Variants in GOLIM4 observed in about 807,000 individuals in gnomAD.
GOLIM4 encodes 130 kDa golgi-localized phosphoprotein.
GOLIM4 carries 71 observed loss-of-function variants against 107.4 expected under a neutral mutation model. The observed-to-expected ratio is 0.66, with a 90% CI of 0.55 to 0.81. The LOEUF (loss-of-function observed/expected upper bound fraction) is 0.81. Ranked by LOEUF, GOLIM4 falls within the 30% of genes least tolerant of loss-of-function variation. The pLI, the probability that GOLIM4 is intolerant of heterozygous loss-of-function variation, is 0.00. For missense variants in GOLIM4, 830 were observed against 826.1 expected (o/e 1.00, Z -0.06); for synonymous variants, 327 against 294.8 (o/e 1.11, Z -1.12).
rs773807286 is a variant in GOLIM4, at chr3:168,095,264, G to A, written c.22C>T (p.Arg8Ter). The A allele has an allele frequency of 1.2e-6, 2 of 1,613,008 alleles. No individual in the cohort carries two copies. Among genetic ancestry groups the A allele is most frequent in the Non-Finnish European group, 1.7e-6 (2 of 1,179,916 alleles). MGNGMCS[R>*]KQKRIFQTLL... ...GTCTGGAAAATCCGCTTCTGCTTTC[G>A]GGAGCACATCCCGTTTCCCATAGTC... Residue 8 changes from arginine (R) to a stop codon, truncating the protein, a stop_gained, in exon 1 of 16, where the codon CGA becomes TGA. Transcript: ENST00000470487. LOFTEE classifies it high-confidence loss of function.
At position 168,032,936 on chromosome 3, in the gene GOLIM4, C is replaced by T. The variant is rs558709892; in HGVS notation, c.844-84G>A. On this transcript the variant is annotated intron_variant, in intron 8 of 15. Transcript: ENST00000470487. ...TTTCTTGATTTCCATGTCTATGGGG[C>T]ATGGGGCTACAACAGAAGAAGGTGT... is the stretch of plus-strand genomic sequence containing the variant. 1.1e-5 allele frequency: 11 copies of T among 998,794 alleles called. No individual in the cohort carries two copies. In the East Asian group the frequency reaches 2.1e-4, roughly 20 times the overall value. The allele number at this position is 998,794 out of a possible 1,614,324, so 61.9% of individuals were successfully genotyped here.
intron 1 of GOLIM4, among the ~76,000 whole-genome samples, chr3:168,065,578 C>T (rs1263039225): frequency 6.6e-6 from 1 of 152,192 alleles, no homozygotes; most frequent in Non-Finnish European, 1.5e-5. Flanking sequence ...CATACAACTG[C>T]CACTCTAATT....
Position 168,044,910 on chromosome 3 carries a change from CAA to C in GOLIM4, c.313-31_313-30del, listed in dbSNP as rs752831504. 11 of 1,302,716 alleles carry C rather than the reference CAA, an allele frequency of 8.4e-6. No individual in the cohort carries two copies. In the South Asian group the frequency reaches 1.5e-4, roughly 17 times the overall value. 80.7% of individuals were successfully genotyped at this position (1,302,716 alleles called of 1,614,324 possible). A position where few individuals can be genotyped will look rare whatever the true frequency, so the allele number is the denominator to read the frequency against. On this transcript the variant is annotated intron_variant, in intron 3 of 15. Coordinates refer to ENST00000470487, the MANE Select transcript of GOLIM4 (RefSeq NM_014498.5). ...TAAATCAAAAAAAAAAAAGAAAACA[CAA>C]AGATAAATATGGCTCTCTTGTTAAA...
At chr3:168,030,396 C>G (rs1387936018) in intron 9 of GOLIM4, among the ~76,000 whole-genome samples, 4 of 151,792 alleles carry the variant, frequency 2.6e-5, no homozygotes, top group Non-Finnish European at 4.4e-5. Context: ...TTCACATTAA[C>G]TGGGCAATCT....
At chr3:168,055,143 G>A (rs1222818522) in intron 1 of GOLIM4, among the ~76,000 whole-genome samples, 1 of 152,122 alleles carries the variant, frequency 6.6e-6, no homozygotes, top group African/African-American at 2.4e-5. Flanking sequence ...GTGGGGTGCT[G>A]CTGAAAAGAT....
In GOLIM4 at chr3:168,061,176, C is replaced by A. The variant is rs561029206; in HGVS notation, c.188-12811G>T. ...AAAAAAATGGGGCAAAGAATAGGAA[C>A]AGCCACTTAAATATATCCTACTGGC... On this transcript the variant is annotated intron_variant, in intron 1 of 15. Transcript: ENST00000470487. 6.0e-5 allele frequency among the ~76,000 whole-genome samples: 9 copies of A among 149,868 alleles called. No individual in the cohort carries two copies. The South Asian group carries it at 1.5e-3, about 24-fold the overall frequency.
At chr3:168,059,799 ACT>A (rs1720160950) in intron 1 of GOLIM4, among the ~76,000 whole-genome samples, 1 of 152,204 alleles carries the variant, frequency 6.6e-6, no homozygotes, top group African/African-American at 2.4e-5. Context: ...GGCAGGCCTC[ACT>A]GAGAAGGATA....
Position 168,010,597 on chromosome 3 carries a change from A to T in GOLIM4, c.1941+146T>A, listed in dbSNP as rs1349972183. The T allele has an allele frequency of 7.7e-6, 6 of 776,006 alleles. No homozygotes were observed. In the African/African-American group the frequency reaches 1.0e-4, roughly 14 times the overall value. The allele number at this position is 776,006 out of a possible 1,614,324, so 48.1% of individuals were successfully genotyped here. ...TTTTCATGTTGTCACAACTTTTCCTAATTTCAGGTGGGCCTGTTAAATTCA... is the reference window on the plus strand; with the variant it reads ...TTTTCATGTTGTCACAACTTTTCCTTATTTCAGGTGGGCCTGTTAAATTCA... On this transcript the variant is annotated intron_variant, in intron 15 of 15. Transcript: ENST00000470487.
At chr3:168,054,605 A>G (rs1651067907) in intron 1 of GOLIM4, among the ~76,000 whole-genome samples, 1 of 151,646 alleles carries the variant, frequency 6.6e-6, no homozygotes, top group Non-Finnish European at 1.5e-5. Context: ...GTTTTTACTT[A>G]TTAATTAAAC....
intron 14 of GOLIM4, among the ~76,000 whole-genome samples, chr3:168,022,806 G>T (rs976665238): frequency 6.6e-6 from 1 of 152,198 alleles, no homozygotes; most frequent in Non-Finnish European, 1.5e-5. Flanking sequence ...ACTGCTTTAA[G>T]AATTTTTGGC....
In GOLIM4 at chr3:168,064,116, G is replaced by C. The variant is rs570789678; in HGVS notation, c.188-15751C>G. 2.0e-5 allele frequency among the ~76,000 whole-genome samples: 3 copies of C among 152,302 alleles called. No homozygotes were observed. The South Asian group carries it at 6.2e-4, about 32-fold the overall frequency. ...ACCATGGTCCCAGGAGGCTTCCCCA[G>C]GCAGTGTGGATGTCCCTGGATGTCC... On this transcript the variant is annotated intron_variant, in intron 1 of 15. Transcript: ENST00000470487.
intron 8 of GOLIM4, among the ~76,000 whole-genome samples, chr3:168,035,255 C>T (rs1350904793): frequency 6.6e-6 from 1 of 152,148 alleles, no homozygotes; most frequent in Admixed American, 6.6e-5. Context: ...GAGACTGCTC[C>T]AAGACCTAAA....
At chr3:168,049,501 C>T (rs1257811326) in intron 1 of GOLIM4, among the ~76,000 whole-genome samples, 1 of 152,120 alleles carries the variant, frequency 6.6e-6, no homozygotes, top group Non-Finnish European at 1.5e-5. Flanking sequence ...CCTTTGAATC[C>T]TGTTTGTTCA....
chr3:168,014,506 T>C lies in GOLIM4; in HGVS notation c.1861-3683A>G, dbSNP rs1044420062. ...TTCCTTCTGAAACTATTCCAATCAA[T>C]AGAAAAAGAGGGAATCCTCCCTAAC... On this transcript the variant is annotated intron_variant, in intron 14 of 15. Transcript: ENST00000470487. Among the ~76,000 whole-genome samples, 21 of 126,814 alleles carry C rather than the reference T, an allele frequency of 1.7e-4. 2 individuals carry two copies. Among genetic ancestry groups the C allele is most frequent in the African/African-American group, 7.2e-4 (15 of 20,756 alleles). 83.2% of individuals were successfully genotyped at this position (126,814 alleles called of 152,430 possible).
Position 168,029,930 on chromosome 3 carries a change from C to G in GOLIM4, c.1283G>C (p.Arg428Pro). The G allele has an allele frequency of 6.2e-7, 1 of 1,614,148 alleles. No homozygotes were observed. Among genetic ancestry groups the G allele is most frequent in the Non-Finnish European group, 8.5e-7 (1 of 1,180,026 alleles). ...CTGGTGCAAAGCTTCCTGGTGTTCC[C>G]GCAGCTGCTGGGCCTCCTCCACCTG... Reference protein sequence around the residue: ...VQQVEEAQQLREHQEALHQQR... With the variant: ...VQQVEEAQQLPEHQEALHQQR... The change falls in exon 10 of 16, where the codon CGG becomes CCG. Residue 428 changes from arginine (R) to proline (P), a missense_variant. Physicochemically the swap from Arg to Pro is moderately radical, Grantham distance 103. Transcript: ENST00000470487.
chr3:168,010,577 A>G (rs1716947347), intron 15 of GOLIM4, among the ~76,000 whole-genome samples, 159 bp from the exon 16 acceptor site: 1 of 152,222 alleles, frequency 6.6e-6, no homozygotes, highest in African/African-American at 2.4e-5. Flanking sequence ...CCTACTTTTC[A>G]TGTTGTCACA....
At position 168,029,320 on chromosome 3, in the gene GOLIM4, A is replaced by C; in HGVS notation, c.1434-18T>G. 6.5e-7 allele frequency: 1 copy of C among 1,544,496 alleles called. No individual in the cohort carries two copies. Among genetic ancestry groups the C allele is most frequent in the African/African-American group, 1.4e-5 (1 of 73,638 alleles). On this transcript the variant is annotated intron_variant, in intron 10 of 15. Transcript: ENST00000470487. ...CTTGCTGCCTACAAGAGACACAAAC[A>C]TGATAAATCCAGTGGGACAAAATTC...
At chr3:168,062,348 T>C (rs1241033218) in intron 1 of GOLIM4, among the ~76,000 whole-genome samples, 3 of 151,920 alleles carry the variant, frequency 2.0e-5, no homozygotes, top group Non-Finnish European at 4.4e-5. Context: ...TTTCCATTTG[T>C]AATGTAGGAA....
At chr3:168,068,060 CAAAAATT>C (rs1302565693) in intron 1 of GOLIM4, among the ~76,000 whole-genome samples, 2 of 151,646 alleles carry the variant, frequency 1.3e-5, no homozygotes, top group Admixed American at 6.6e-5. Flanking sequence ...CTTCAGAACT[CAAAAATT>C]AAAAAATGCT....
Sources: gnomAD v4.1 joint callset for allele counts (sites outside exome capture counted in the v4.1 genomes callset) on GRCh38, gnomAD v4.1.1 for gene constraint, MANE v1.5 for transcripts, NCBI Gene and HGNC (gene_info 2026-07-23, HGNC 2026-07-21) for gene names.